The following PBX1 variants were observed in gnomAD, a reference collection of about 807,000 sequenced individuals.
PBX1 encodes the protein PBX homeobox 1, also known as pre-B-cell leukemia transcription factor 1.
Under a neutral mutation model 53.4 loss-of-function variants are expected in PBX1, and 6 were observed. The observed-to-expected ratio is 0.11, with a 90% CI of 0.06 to 0.22. The LOEUF (loss-of-function observed/expected upper bound fraction) is 0.22. Among genes scored for constraint, PBX1 ranks in the 10% least tolerant of loss-of-function variants. The probability of loss-of-function intolerance (pLI) is 1.00; values close to 1 mark genes in which losing one functional copy is unlikely to be tolerated. For missense variants in PBX1, 251 were observed against 551.4 expected (o/e 0.46, Z 5.46); for synonymous variants, 204 against 212.3 (o/e 0.96, Z 0.34).
At chr1:164,699,370 C>CT (rs1164145542) in intron 2 of PBX1, among the ~76,000 whole-genome samples, 4 of 152,182 alleles carry the variant, frequency 2.6e-5, no homozygotes, top group Non-Finnish European at 4.4e-5. Context: ...TTGTGCCTTT[C>CT]TACCTGCTCG....
At chr1:164,666,908 C>T (rs1207600980) in intron 2 of PBX1, among the ~76,000 whole-genome samples, 1 of 152,208 alleles carries the variant, frequency 6.6e-6, no homozygotes, top group Non-Finnish European at 1.5e-5. Flanking sequence ...CAATGATTCT[C>T]CGTTTCTCAG....
At position 164,847,091 on chromosome 1, in the gene PBX1, G is replaced by A. The variant is rs1159411318; in HGVS notation, c.*415G>A. On this transcript the variant is annotated 3_prime_UTR_variant, in exon 9 of 9. Transcript: ENST00000420696. Reference sequence around the variant, plus strand: ...CGTTTTCATGCTGGTGGTTTGAGGAGCCAAATTTACCTCACTCGAATCCCT... The same window carrying A: ...CGTTTTCATGCTGGTGGTTTGAGGAACCAAATTTACCTCACTCGAATCCCT... 1 of 1,093,742 alleles carries A rather than the reference G, an allele frequency of 9.1e-7. No individual in the cohort carries two copies. The highest frequency in any genetic ancestry group is 1.1e-6 in the Non-Finnish European group (1 of 894,610). The allele number at this position is 1,093,742 out of a possible 1,614,324, so 67.8% of individuals were successfully genotyped here.
intron 4 of PBX1, among the ~76,000 whole-genome samples, chr1:164,807,047 G>A (rs57746867): frequency 0.054 from 8,239 of 152,086 alleles, 675 homozygotes; most frequent in African/African-American, 0.18. Context: ...TCATGAGGTC[G>A]GGAGTTAGAG....
At chr1:164,825,644 G>A (rs1335301619) in intron 8 of PBX1, among the ~76,000 whole-genome samples, 3 of 152,090 alleles carry the variant, frequency 2.0e-5, no homozygotes, top group Non-Finnish European at 4.4e-5. Flanking sequence ...TCCGGCTGAT[G>A]TATATTCTCT....
intron 2 of PBX1, among the ~76,000 whole-genome samples, chr1:164,866,840 AG>A (rs1672231429): frequency 6.6e-6 from 1 of 152,222 alleles, no homozygotes; most frequent in East Asian, 1.9e-4. Flanking sequence ...GAGATTCAGA[AG>A]GGACCTTGAA....
chr1:164,875,448 G>A (rs146302154), intron 2 of PBX1, among the ~76,000 whole-genome samples: 2,172 of 152,170 alleles, frequency 0.014, 59 homozygotes, highest in African/African-American at 0.049. Context: ...GACTACAGGC[G>A]TGTGCCACCA....
rs538384124 is a variant in PBX1, at chr1:164,569,185, A to C, written c.265+5874A>C. Reference sequence around the variant, plus strand: ...ATGATAAACTATAATAGTAGTGGTTAAGGACCTGGTCTTTAAAGCCAGACT... The same window carrying C: ...ATGATAAACTATAATAGTAGTGGTTCAGGACCTGGTCTTTAAAGCCAGACT... On this transcript the variant is annotated intron_variant, in intron 2 of 8. Transcript: ENST00000420696. Among the ~76,000 whole-genome samples the C allele has an allele frequency of 4.6e-5, 7 of 152,342 alleles. No homozygotes were observed. In the South Asian group the frequency reaches 1.2e-3, roughly 27 times the overall value.
intron 2 of PBX1, among the ~76,000 whole-genome samples, chr1:164,717,602 C>T (rs1664175487): frequency 6.6e-6 from 1 of 152,168 alleles, no homozygotes; most frequent in South Asian, 2.1e-4. Flanking sequence ...TGTGCAGTGG[C>T]TCCAGAAACT....
chr1:164,818,320 C>A (rs1669973320), intron 6 of PBX1: 1 of 152,206 alleles, frequency 6.6e-6, no homozygotes. Context: ...CTTTGTCCCA[C>A]TGACTGGGTA....
rs145413089 is a variant in PBX1, at chr1:164,630,292, A to G, written c.265+66981A>G. ...ATATATTTTTCGTTTCTATGCTTCC[A>G]AAGTCTGAGTGGGATGTTTTACATG... On this transcript the variant is annotated intron_variant, in intron 2 of 8. Coordinates refer to ENST00000420696, the MANE Select transcript of PBX1 (RefSeq NM_002585.4). Among the ~76,000 whole-genome samples the G allele has an allele frequency of 7.9e-5, 12 of 152,294 alleles. No individual in the cohort carries two copies. In the East Asian group the frequency reaches 2.3e-3, roughly 29 times the overall value.
intron 2 of PBX1, among the ~76,000 whole-genome samples, chr1:164,749,345 GCTTAATATTTC>G (rs1346548310): frequency 2.6e-5 from 4 of 152,062 alleles, no homozygotes; most frequent in Non-Finnish European, 5.9e-5. Context: ...TTTAACAACT[GCTTAATATTTC>G]TCAGATAGAG....
intron 2 of PBX1, among the ~76,000 whole-genome samples, chr1:164,671,253 A>G (rs1215161993): frequency 3.3e-5 from 5 of 152,040 alleles, no homozygotes; most frequent in African/African-American, 1.2e-4. Flanking sequence ...ATTATATAGA[A>G]ATTTGTCCAG....
intron 1 of PBX1, among the ~76,000 whole-genome samples, chr1:164,561,409 T>C (rs1204525686): frequency 2.6e-5 from 4 of 152,332 alleles, no homozygotes; most frequent in African/African-American, 9.6e-5. Context: ...GTTGAAAGAC[T>C]CAAAGTATCC....
At chr1:164,792,381 G>A (rs1571416093) in intron 2 of PBX1, 113 bp from the exon 3 acceptor site, 1 of 1,500,150 alleles carries the variant, frequency 6.7e-7, no homozygotes, top group East Asian at 2.5e-5. Context: ...TCCTCAAATG[G>A]CATCTTGCAA....
At chr1:164,666,008 A>C (rs988865610) in intron 2 of PBX1, among the ~76,000 whole-genome samples, 12 of 152,164 alleles carry the variant, frequency 7.9e-5, no homozygotes, top group African/African-American at 2.7e-4. Context: ...TAAAGATATT[A>C]GGCAGCCATA....
intron 4 of PBX1, among the ~76,000 whole-genome samples, chr1:164,802,674 C>G (rs1389382184): frequency 6.6e-6 from 1 of 152,170 alleles, no homozygotes; most frequent in South Asian, 2.1e-4. Context: ...ACTAACCTTT[C>G]GGCCCTTTAT....
At chr1:164,706,698 T>G (rs2102062076) in intron 2 of PBX1, among the ~76,000 whole-genome samples, 2 of 152,174 alleles carry the variant, frequency 1.3e-5, no homozygotes, top group East Asian at 3.9e-4. Context: ...AATAACACAG[T>G]CTCTAATTTA....
At chr1:164,662,532 G>T (rs1163940680) in intron 2 of PBX1, among the ~76,000 whole-genome samples, 2 of 152,094 alleles carry the variant, frequency 1.3e-5, no homozygotes, top group Non-Finnish European at 2.9e-5. Flanking sequence ...ATGGTCTGAT[G>T]TCAATTCCTG....
At chr1:164,824,142 A>G (rs1670302095) in intron 8 of PBX1, among the ~76,000 whole-genome samples, 1 of 152,060 alleles carries the variant, frequency 6.6e-6, no homozygotes, top group Non-Finnish European at 1.5e-5. Flanking sequence ...GGTGGAGGAC[A>G]TTTTCTGGGC....
Sources: gnomAD v4.1 joint callset for allele counts (sites outside exome capture counted in the v4.1 genomes callset) on GRCh38, gnomAD v4.1.1 for gene constraint, MANE v1.5 for transcripts, NCBI Gene and HGNC (gene_info 2026-07-23, HGNC 2026-07-21) for gene names.